Variants in LAMB4 observed in about 807,000 individuals in gnomAD.
The protein encoded by LAMB4 is laminin subunit beta 4, also known as laminin subunit beta-4.
LAMB4 carries 196 observed loss-of-function variants against 199.2 expected under a neutral mutation model. That is an observed-to-expected ratio of 0.98 (90% CI 0.88 to 1.11). The LOEUF (loss-of-function observed/expected upper bound fraction) is 1.11, where lower values mean the gene tolerates loss of function less well. Ranked by LOEUF, LAMB4 falls within the 50% of genes least tolerant of loss-of-function variation. LAMB4 has a pLI of 0.00. For synonymous variants in LAMB4, 744 were observed against 770.6 expected (o/e 0.97, Z 0.57); for missense variants, 2,080 against 2,171.2 (o/e 0.96, Z 0.83).
At chr7:108,060,233 T>C (rs970585707) in intron 23 of LAMB4, among the ~76,000 whole-genome samples, 1 of 152,220 alleles carries the variant, frequency 6.6e-6, no homozygotes, top group Non-Finnish European at 1.5e-5. Flanking sequence ...ACCATCTAAC[T>C]TTCAGCTTCA....
chr7:108,015,184 T>C, the LAMB4 span, among the ~76,000 whole-genome samples: 1 of 152,210 alleles, frequency 6.6e-6, no homozygotes, highest in Non-Finnish European at 1.5e-5. Flanking sequence ...ATCTTTTCCA[T>C]TCATATTTTG....
chr7:108,115,463 G>C (rs903168137), intron 3 of LAMB4, among the ~76,000 whole-genome samples: 2 of 152,158 alleles, frequency 1.3e-5, no homozygotes, highest in Non-Finnish European at 2.9e-5. Flanking sequence ...GAGGCAAGGA[G>C]TTCGAGATCA....
chr7:108,039,507 C>A (rs78564890), intron 29 of LAMB4, among the ~76,000 whole-genome samples: 1 of 142,866 alleles, frequency 7.0e-6, no homozygotes, highest in Non-Finnish European at 1.5e-5. Flanking sequence ...CTCGCTGTAT[C>A]GCTCAGGCTG....
intron 19 of LAMB4, 152 bp from the exon 20 acceptor site, chr7:108,066,752 G>A (rs966181436): frequency 7.0e-6 from 4 of 571,576 alleles, no homozygotes; most frequent in Non-Finnish European, 3.1e-6. Flanking sequence ...ATGAGTTCCA[G>A]GTAAACGTTA....
At chr7:108,033,248 C>T (rs2035103785) in intron 31 of LAMB4, among the ~76,000 whole-genome samples, 1 of 152,186 alleles carries the variant, frequency 6.6e-6, no homozygotes. Flanking sequence ...GCAAAAGCAT[C>T]CATAGACAAT....
At chr7:108,049,890 A>G (rs184167938) in intron 26 of LAMB4, among the ~76,000 whole-genome samples, 3 of 152,362 alleles carry the variant, frequency 2.0e-5, no homozygotes, top group African/African-American at 7.2e-5. Context: ...ATATGAATAT[A>G]TTCTGTAAAT....
At chr7:108,121,720 A>G (rs892957810) in intron 2 of LAMB4, among the ~76,000 whole-genome samples, 3 of 151,614 alleles carry the variant, frequency 2.0e-5, no homozygotes, top group African/African-American at 7.3e-5. Flanking sequence ...ATTGCACTCC[A>G]GCCTGGGCGA....
intron 11 of LAMB4, among the ~76,000 whole-genome samples, chr7:108,097,983 G>A (rs968122138): frequency 1.2e-4 from 18 of 152,054 alleles, no homozygotes; most frequent in African/African-American, 3.6e-4. Context: ...TAGGATTTAC[G>A]GGAACCATTA....
chr7:108,060,387 C>T (rs2036121206), intron 23 of LAMB4, among the ~76,000 whole-genome samples: 1 of 151,242 alleles, frequency 6.6e-6, no homozygotes, highest in African/African-American at 2.4e-5. Context: ...TGGAGATCTA[C>T]CACTTTATTC....
chr7:108,108,015 A>T (rs140463183), intron 5 of LAMB4, among the ~76,000 whole-genome samples, 196 bp from the exon 6 acceptor site: 18 of 152,292 alleles, frequency 1.2e-4, no homozygotes, highest in African/African-American at 4.1e-4. Context: ...ATCTCGGCTC[A>T]CTGTAGCCTC....
downstream of LAMB4, among the ~76,000 whole-genome samples, chr7:108,019,703 A>C (rs950833024): frequency 7.9e-5 from 12 of 152,054 alleles, no homozygotes; most frequent in African/African-American, 2.9e-4. Flanking sequence ...TGCCTGGTTA[A>C]AATGTGGAGA....
At chr7:108,078,121 T>C in intron 16 of LAMB4, 80 bp downstream of exon 16, 1 of 898,928 alleles carries the variant, frequency 1.1e-6, no homozygotes, top group Non-Finnish European at 1.8e-6. Flanking sequence ...TTTCTCCACT[T>C]AGTTCCCAGA....
chr7:108,117,796 A>C (rs2038460781), intron 2 of LAMB4, among the ~76,000 whole-genome samples: 1 of 152,190 alleles, frequency 6.6e-6, no homozygotes, highest in Non-Finnish European at 1.5e-5. Context: ...CCCCTTTTAG[A>C]CCATATAGGG....
intron 25 of LAMB4, among the ~76,000 whole-genome samples, chr7:108,053,693 T>C (rs28675304): frequency 0.018 from 2,699 of 152,324 alleles, 79 homozygotes; most frequent in African/African-American, 0.06. Context: ...GGCACTCCTC[T>C]TTCTCGCTCT....
chr7:108,062,811 C>T lies in LAMB4; in HGVS notation c.3245G>A (p.Cys1082Tyr), dbSNP rs778884833. Residue 1082 changes from cysteine (C) to tyrosine (Y), a missense_variant, in exon 23 of 34, where the codon TGT (cysteine) becomes TAT (tyrosine). Physicochemically the swap from Cys to Tyr is radical, Grantham distance 194. Coordinates refer to ENST00000388781, the MANE Select transcript of LAMB4 (RefSeq NM_007356.3). ...VPGRGCQSCDCDPRTSQSSHC... is the reference protein window; with the variant it reads ...VPGRGCQSCDYDPRTSQSSHC... ...GCTACTTTGAGAGGTCCTAGGGTCA[C>T]AGTCACATGACTGACATCCTCTGCC... The T allele has an allele frequency of 2.0e-6, 3 of 1,521,574 alleles. No homozygotes were observed. The highest frequency in any genetic ancestry group is 2.8e-5 in the African/African-American group (2 of 71,580). 94.3% of individuals were successfully genotyped at this position (1,521,574 alleles called of 1,614,324 possible). A position where few individuals can be genotyped will look rare whatever the true frequency, so the allele number is the denominator to read the frequency against.
intron 3 of LAMB4, among the ~76,000 whole-genome samples, chr7:108,112,459 T>C (rs1456874814): frequency 6.6e-6 from 1 of 150,652 alleles, no homozygotes; most frequent in East Asian, 2.0e-4. Context: ...ACCCGGCTAT[T>C]TTTTTGTATT....
At chr7:108,099,878 G>T (rs149607655) in intron 10 of LAMB4, among the ~76,000 whole-genome samples, 22 of 152,260 alleles carry the variant, frequency 1.4e-4, no homozygotes, top group East Asian at 7.7e-4. Context: ...TCAATGATTT[G>T]TTACTTGTTA....
At chr7:108,044,104 T>C (rs2150511655) in intron 28 of LAMB4, 1 of 436,280 alleles carries the variant, frequency 2.3e-6, no homozygotes, top group Admixed American at 4.5e-5. Flanking sequence ...AATTTATCAT[T>C]AATTTATCTT....
In LAMB4 at chr7:108,056,022, A is replaced by G; in HGVS notation, c.3380-15T>C. The G allele has an allele frequency of 6.3e-7, 1 of 1,591,670 alleles. No individual in the cohort carries two copies. On this transcript the variant is annotated splice_polypyrimidine_tract_variant and intron_variant, in intron 24 of 33. Coordinates refer to ENST00000388781, the MANE Select transcript of LAMB4 (RefSeq NM_007356.3). ...ACAATCACATGCTAAAAAGGAAAAC[A>G]GAAGGAGCAGAGAATGTCACTGGGC... is the stretch of plus-strand genomic sequence containing the variant.
Sources: gnomAD v4.1 joint callset for allele counts (sites outside exome capture counted in the v4.1 genomes callset) on GRCh38, gnomAD v4.1.1 for gene constraint, MANE v1.5 for transcripts, NCBI Gene and HGNC (gene_info 2026-07-23, HGNC 2026-07-21) for gene names.